Variants in SLC16A2 observed in about 807,000 individuals in gnomAD.
SLC16A2 encodes solute carrier family 16 member 2, also known as monocarboxylate transporter 8.
Under a neutral mutation model 27.2 loss-of-function variants are expected in SLC16A2, and 3 were observed. The observed-to-expected ratio is 0.11, with a 90% CI of 0.05 to 0.28. The LOEUF (loss-of-function observed/expected upper bound fraction) is 0.28, where lower values mean the gene tolerates loss of function less well. Among genes scored for constraint, SLC16A2 ranks in the 10% least tolerant of loss-of-function variants. The pLI is 1.00. For missense variants in SLC16A2, 295 were observed against 458.5 expected (o/e 0.64, Z 3.26); for synonymous variants, 202 against 187.8 (o/e 1.08, Z -0.62).
Position 74,516,839 on chromosome X carries a change from GA to G in SLC16A2, c.431-4142del, listed in dbSNP as rs764562659. Among the ~76,000 whole-genome samples the G allele has an allele frequency of 3.2e-4, 35 of 109,824 alleles. No individual in the cohort carries two copies. In the East Asian group the frequency reaches 5.9e-3, roughly 19 times the overall value. ...AAGACAGAGATTGGCAGAGTGGATA[GA>G]AAAAAAAATCATGACCCAGCTATAT... On this transcript the variant is annotated intron_variant, in intron 1 of 5. Transcript: ENST00000587091.
At chrX:74,427,184 C>G (rs1207411778) in intron 1 of SLC16A2, among the ~76,000 whole-genome samples, 1 of 112,551 alleles carries the variant, frequency 8.9e-6, no homozygotes, top group Admixed American at 9.4e-5. Flanking sequence ...AGTCTTATTT[C>G]TCAGAAATGC....
chrX:74,462,402 C>T (rs1369432273), intron 1 of SLC16A2, among the ~76,000 whole-genome samples: 1 of 112,002 alleles, frequency 8.9e-6, no homozygotes, highest in Non-Finnish European at 1.9e-5. Flanking sequence ...TCACTGCAAC[C>T]TCCACCTCCT....
At chrX:74,427,807 G>GCGCA (rs1928433410) in intron 1 of SLC16A2, among the ~76,000 whole-genome samples, 2 of 70,798 alleles carry the variant, frequency 2.8e-5, no homozygotes, top group Non-Finnish European at 5.2e-5. Flanking sequence ...GCGTGCACGC[G>GCGCA]CGCGCACACA....
intron 1 of SLC16A2, among the ~76,000 whole-genome samples, chrX:74,481,019 TA>T (rs1479667759): frequency 8.9e-6 from 1 of 112,770 alleles, no homozygotes; most frequent in Non-Finnish European, 1.9e-5. Context: ...TCTATTGAGA[TA>T]GCGTATTACA....
At chrX:74,448,140 T>C (rs1928871069) in intron 1 of SLC16A2, among the ~76,000 whole-genome samples, 1 of 111,135 alleles carries the variant, frequency 9.0e-6, no homozygotes, top group South Asian at 3.8e-4. Context: ...ATCAAAATCA[T>C]GTAAGGAGTA....
chrX:74,480,650 T>C (rs1929597843), intron 1 of SLC16A2, among the ~76,000 whole-genome samples: 1 of 112,808 alleles, frequency 8.9e-6, no homozygotes. Flanking sequence ...GTCAGTATTT[T>C]CTATATAAAA....
intron 1 of SLC16A2, among the ~76,000 whole-genome samples, chrX:74,517,934 T>C (rs1930341657): frequency 8.9e-6 from 1 of 112,334 alleles, no homozygotes; most frequent in African/African-American, 3.2e-5. Context: ...GCCTTTGAGA[T>C]TGTTCAAGTT....
intron 1 of SLC16A2, among the ~76,000 whole-genome samples, chrX:74,447,275 A>G (rs1243948652): frequency 1.8e-5 from 2 of 112,356 alleles, no homozygotes; most frequent in Non-Finnish European, 3.8e-5. Flanking sequence ...GGGTCTGAAC[A>G]CATGGTCAAT....
intron 1 of SLC16A2, among the ~76,000 whole-genome samples, chrX:74,439,532 C>T (rs1198363359): frequency 1.0e-5 from 1 of 96,607 alleles, no homozygotes; most frequent in Non-Finnish European, 2.0e-5. Flanking sequence ...AACTCTTAGG[C>T]TCAAGTGATC....
intron 1 of SLC16A2, among the ~76,000 whole-genome samples, chrX:74,440,919 C>A (rs1414852654): frequency 9.1e-6 from 1 of 110,437 alleles, no homozygotes; most frequent in East Asian, 2.8e-4. Flanking sequence ...ATCACATAGA[C>A]GACCACTTTA....
intron 1 of SLC16A2, among the ~76,000 whole-genome samples, chrX:74,466,023 C>T (rs182730718): frequency 9.0e-6 from 1 of 111,165 alleles, no homozygotes; most frequent in Admixed American, 9.6e-5. Flanking sequence ...CCCAAGAGAA[C>T]TGCAAGCCCA....
intron 1 of SLC16A2, among the ~76,000 whole-genome samples, chrX:74,477,553 G>T (rs1230538167): frequency 9.0e-6 from 1 of 111,458 alleles, no homozygotes; most frequent in Non-Finnish European, 1.9e-5. Context: ...TGCTTCTCTA[G>T]TTCTTTTAAT....
At chrX:74,435,368 G>T (rs1310027512) in intron 1 of SLC16A2, among the ~76,000 whole-genome samples, 1 of 107,972 alleles carries the variant, frequency 9.3e-6, no homozygotes, top group Non-Finnish European at 1.9e-5. Context: ...TTTTCATTGA[G>T]GGCAAGTGAG....
chrX:74,514,309 G>A (rs922024115), intron 1 of SLC16A2, among the ~76,000 whole-genome samples: 2 of 109,969 alleles, frequency 1.8e-5, no homozygotes, highest in Non-Finnish European at 3.8e-5. Context: ...ACGGGAAAAG[G>A]GGCAGCCTAG....
At chrX:74,519,367 C>T (rs1218331957) in intron 1 of SLC16A2, among the ~76,000 whole-genome samples, 12 of 106,313 alleles carry the variant, frequency 1.1e-4, no homozygotes, top group African/African-American at 4.1e-4. Flanking sequence ...TGAGTAGAGA[C>T]GGGGTTTCAC....
chrX:74,496,997 G>T (rs925421076), intron 1 of SLC16A2, among the ~76,000 whole-genome samples: 5 of 111,927 alleles, frequency 4.5e-5, no homozygotes, highest in African/African-American at 1.6e-4. Flanking sequence ...TCCTCTCTGT[G>T]TTTAGCTGCC....
In SLC16A2 at chrX:74,421,810, T is replaced by C. The variant is rs2147833964; in HGVS notation, c.173T>C (p.Leu58Pro). Reference sequence around the variant, plus strand: ...GAGCCCCAGCCGGAGCCCCAGCCCCTACCGGACCCCGCACCCCTGCCGGAG... The same window carrying C: ...GAGCCCCAGCCGGAGCCCCAGCCCCCACCGGACCCCGCACCCCTGCCGGAG... Reference protein sequence around the residue: ...PPEPQPEPQPLPDPAPLPELE... With the variant: ...PPEPQPEPQPPPDPAPLPELE... Residue 58 changes from leucine to proline, a missense_variant, in exon 1 of 6, where the codon CTA (leucine) becomes CCA (proline). Leu to Pro is a moderately conservative substitution (Grantham distance 98). Around this residue, in one of 3 missense-constraint regions of SLC16A2, gnomAD observed 92 missense variants for 85.1 expected, o/e 1.08. Coordinates refer to ENST00000587091, the MANE Select transcript of SLC16A2 (RefSeq NM_006517.5). 8.6e-7 allele frequency: 1 copy of C among 1,167,482 alleles called. No homozygotes were observed. Among genetic ancestry groups the C allele is most frequent in the South Asian group, 1.9e-5 (1 of 53,890 alleles).
intron 1 of SLC16A2, among the ~76,000 whole-genome samples, chrX:74,486,292 C>T (rs915263255): frequency 2.7e-4 from 30 of 112,064 alleles, no homozygotes; most frequent in Middle Eastern, 9.2e-3. Context: ...CTCTCACTGT[C>T]AGTAAATATT....
intron 1 of SLC16A2, among the ~76,000 whole-genome samples, chrX:74,496,591 T>C (rs755635050): frequency 8.9e-6 from 1 of 112,052 alleles, no homozygotes; most frequent in Non-Finnish European, 1.9e-5. Context: ...ACAACCCATC[T>C]CAGGTGCTCA....
Sources: gnomAD v4.1 joint callset for allele counts (sites outside exome capture counted in the v4.1 genomes callset) on GRCh38, gnomAD v4.1.1 for gene constraint, gnomAD v4.1.1 regional missense constraint, MANE v1.5 for transcripts, NCBI Gene and HGNC (gene_info 2026-07-23, HGNC 2026-07-21) for gene names.